Variants in CSMD1 observed in about 807,000 individuals in gnomAD.
The protein encoded by CSMD1 is CUB and Sushi multiple domains 1, also known as CUB and sushi domain-containing protein 1.
Under a neutral mutation model 417.5 loss-of-function variants are expected in CSMD1, and 213 were observed. The ratio of observed to expected loss-of-function variants is 0.51; its 90% CI spans 0.46 to 0.57. The LOEUF is 0.57. Among genes scored for constraint, CSMD1 ranks in the 20% least tolerant of loss-of-function variants. The pLI, the probability that CSMD1 is intolerant of heterozygous loss-of-function variation, is 0.00. For missense variants in CSMD1, 6,923 were observed against 4,529.7 expected (o/e 1.53, Z -15.17); for synonymous variants, 2,862 against 1,736.8 (o/e 1.65, Z -16.11).
chr8:3,452,149 T>G (rs1181499483), intron 12 of CSMD1, among the ~76,000 whole-genome samples: 1 of 152,224 alleles, frequency 6.6e-6, no homozygotes, highest in Non-Finnish European at 1.5e-5. Flanking sequence ...ATGCTTGTGA[T>G]TTTTGCACAC....
At chr8:3,314,250 AAAAAAAT>A (rs1173322224) in intron 23 of CSMD1, among the ~76,000 whole-genome samples, 1 of 146,584 alleles carries the variant, frequency 6.8e-6, no homozygotes, top group East Asian at 1.9e-4. Context: ...AAAGTATAAT[AAAAAAAT>A]AAAAAATAAA....
At chr8:3,178,504 T>A (rs1377913476) in intron 37 of CSMD1, among the ~76,000 whole-genome samples, 1 of 152,152 alleles carries the variant, frequency 6.6e-6, no homozygotes, top group African/African-American at 2.4e-5. Context: ...CCTCGCAAGG[T>A]GCTCAGTAAA....
intron 3 of CSMD1, among the ~76,000 whole-genome samples, chr8:4,040,731 G>C (rs539743241): frequency 6.6e-6 from 1 of 152,154 alleles, no homozygotes; most frequent in Admixed American, 6.5e-5. Context: ...AGAGACTGCA[G>C]CAAAGTCAAA....
Position 4,883,123 on chromosome 8 carries a change from G to A in CSMD1, c.85+111209C>T, listed in dbSNP as rs1803516843. Among the ~76,000 whole-genome samples the A allele has an allele frequency of 1.3e-5, 2 of 152,070 alleles. 1 individual carries two copies. Among genetic ancestry groups the A allele is most frequent in the South Asian group, 4.1e-4 (2 of 4,824 alleles). ...CAAGATTTTATAGTAAGGTGGAAAGGAAATTTAAGAATTCAATATCGCAAT... is the reference window on the plus strand; with the variant it reads ...CAAGATTTTATAGTAAGGTGGAAAGAAAATTTAAGAATTCAATATCGCAAT... On this transcript the variant is annotated intron_variant, in intron 1 of 69. Transcript: ENST00000635120.
chr8:3,811,498 G>C lies in CSMD1; in HGVS notation c.819-57456C>G, dbSNP rs80018544. Among the ~76,000 whole-genome samples the C allele has an allele frequency of 5.3e-3, 807 of 152,236 alleles. 4 individuals are homozygous for C. Among genetic ancestry groups the C allele is most frequent in the Non-Finnish European group, 8.8e-3 (601 of 68,032 alleles). On this transcript the variant is annotated intron_variant, in intron 5 of 69. Coordinates refer to ENST00000635120, the MANE Select transcript of CSMD1 (RefSeq NM_033225.6). ...TTTTTCCCAACCGAGTGCCTGTTGA[G>C]AGTTTTAGCAGAGTTGTTCCCTGGT...
intron 12 of CSMD1, among the ~76,000 whole-genome samples, chr8:3,419,111 C>G (rs1813330367): frequency 6.6e-6 from 1 of 152,308 alleles, no homozygotes; most frequent in African/African-American, 2.4e-5. Context: ...TCATGGAGGT[C>G]GAGGCTTCTC....
chr8:3,860,461 G>C (rs1236351330), intron 5 of CSMD1, among the ~76,000 whole-genome samples: 2 of 152,062 alleles, frequency 1.3e-5, no homozygotes, highest in East Asian at 1.9e-4. Context: ...GAATGTAGGA[G>C]TTTGCTAATA....
At chr8:4,070,679 C>G (rs530597542) in intron 3 of CSMD1, among the ~76,000 whole-genome samples, 8 of 152,024 alleles carry the variant, frequency 5.3e-5, no homozygotes, top group Non-Finnish European at 8.8e-5. Flanking sequence ...ACTCTCTATT[C>G]GTCACTGAAG....
At chr8:4,401,875 G>A (rs557968552) in intron 3 of CSMD1, among the ~76,000 whole-genome samples, 1 of 151,972 alleles carries the variant, frequency 6.6e-6, no homozygotes, top group South Asian at 2.1e-4. Context: ...TCCCAGCTTT[G>A]ACTCTTCTGT....
At chr8:3,882,967 T>C (rs1453551688) in intron 5 of CSMD1, among the ~76,000 whole-genome samples, 1 of 152,142 alleles carries the variant, frequency 6.6e-6, no homozygotes, top group Non-Finnish European at 1.5e-5. Context: ...TCTGCGAAAG[T>C]TTGTTGACTC....
intron 1 of CSMD1, among the ~76,000 whole-genome samples, chr8:4,844,209 C>T (rs1801005298): frequency 6.6e-6 from 1 of 152,130 alleles, no homozygotes; most frequent in Non-Finnish European, 1.5e-5. Flanking sequence ...TAGTTGTAGG[C>T]ACCTGGTAAT....
chr8:3,510,449 C>T (rs1402525625), intron 10 of CSMD1, among the ~76,000 whole-genome samples: 1 of 151,792 alleles, frequency 6.6e-6, no homozygotes, highest in African/African-American at 2.4e-5. Flanking sequence ...AGTTACTCAG[C>T]CCAGTCCCCT....
chr8:4,029,412 A>T (rs1797227521), intron 4 of CSMD1, among the ~76,000 whole-genome samples: 1 of 152,218 alleles, frequency 6.6e-6, no homozygotes, highest in Non-Finnish European at 1.5e-5. Context: ...GAAGGCAAGG[A>T]GGACCTAGCC....
intron 2 of CSMD1, among the ~76,000 whole-genome samples, chr8:4,510,930 C>G (rs530024603): frequency 6.6e-6 from 1 of 150,764 alleles, no homozygotes; most frequent in Non-Finnish European, 1.5e-5. Context: ...TCTCCTTCTC[C>G]GTTCCCGTTC....
chr8:3,229,600 A>G (rs1798712571), intron 27 of CSMD1, among the ~76,000 whole-genome samples: 1 of 152,178 alleles, frequency 6.6e-6, no homozygotes, highest in African/African-American at 2.4e-5. Flanking sequence ...TAGTTTTCAG[A>G]ATTCTATTTT....
chr8:4,677,738 A>T (rs2130966363), intron 1 of CSMD1, among the ~76,000 whole-genome samples: 1 of 152,326 alleles, frequency 6.6e-6, no homozygotes, highest in South Asian at 2.1e-4. Flanking sequence ...GGCAGGCAAC[A>T]GATGCTCATC....
At chr8:4,683,920 A>G (rs374114304) in intron 1 of CSMD1, among the ~76,000 whole-genome samples, 4 of 152,346 alleles carry the variant, frequency 2.6e-5, no homozygotes, top group South Asian at 4.1e-4. Flanking sequence ...TGTGAGCAGC[A>G]TGTCATATAC....
chr8:3,670,912 G>C (rs571485919), intron 7 of CSMD1, among the ~76,000 whole-genome samples: 1 of 146,464 alleles, frequency 6.8e-6, no homozygotes, highest in Non-Finnish European at 1.5e-5. Flanking sequence ...TATGTATATG[G>C]GATATATATG....
rs531456302 is a variant in CSMD1 at position 4,786,499 on chromosome 8, C to A, written c.86-148941G>T. 2.0e-5 allele frequency among the ~76,000 whole-genome samples: 3 copies of A among 152,200 alleles called. No individual in the cohort carries two copies. In the South Asian group the frequency reaches 6.2e-4, roughly 32 times the overall value. ...CAGATATCTCATTTTATTTTATTGG[C>A]AATGAGATGTAAATTGGTGGTTGGT... On this transcript the variant is annotated intron_variant, in intron 1 of 69. Transcript: ENST00000635120.
Sources: allele counts gnomAD v4.1 joint callset (sites outside exome capture counted in the v4.1 genomes callset), GRCh38; gene constraint gnomAD v4.1.1; transcripts MANE v1.5; gene names NCBI Gene and HGNC (gene_info 2026-07-23, HGNC 2026-07-21).